Variants in TRPM3 observed in about 807,000 individuals in gnomAD.
TRPM3 encodes long transient receptor potential channel 3.
A neutral mutation model predicts 181.2 loss-of-function variants in TRPM3; 77 were observed. The ratio of observed to expected loss-of-function variants is 0.42; its 90% CI spans 0.35 to 0.51. The LOEUF (loss-of-function observed/expected upper bound fraction) is 0.51, where lower values mean the gene tolerates loss of function less well. TRPM3 is among the 20% of genes least tolerant of loss of function. TRPM3 has a pLI of 0.01. For synonymous variants in TRPM3, 745 were observed against 796.4 expected (o/e 0.94, Z 1.09); for missense variants, 1,759 against 2,196.7 (o/e 0.80, Z 3.98).
chr9:70,666,298 G>C (rs556253643), intron 9 of TRPM3, among the ~76,000 whole-genome samples: 19 of 152,156 alleles, frequency 1.2e-4, no homozygotes, highest in African/African-American at 1.2e-4. Flanking sequence ...CCTTCTTCAC[G>C]ATCCAGGGAA....
At chr9:70,776,451 T>G (rs2081375991) in intron 7 of TRPM3, 1 of 713,916 alleles carries the variant, frequency 1.4e-6, no homozygotes, top group Non-Finnish European at 2.6e-6. Context: ...CCTCTTCCTT[T>G]TTTCTTTCTC....
At chr9:70,853,006 A>G (rs953184555) in intron 3 of TRPM3, among the ~76,000 whole-genome samples, 1 of 152,088 alleles carries the variant, frequency 6.6e-6, no homozygotes, top group Non-Finnish European at 1.5e-5. Context: ...TTATCTCCCT[A>G]TGTTGCAAGA....
chr9:70,694,549 C>T (rs536519099), intron 8 of TRPM3, among the ~76,000 whole-genome samples: 7 of 152,154 alleles, frequency 4.6e-5, no homozygotes, highest in African/African-American at 9.6e-5. Flanking sequence ...GGCGCGATCT[C>T]GGCTCACTGC....
At chr9:71,216,319 A>C (rs978196599) in intron 1 of TRPM3, among the ~76,000 whole-genome samples, 2 of 152,238 alleles carry the variant, frequency 1.3e-5, no homozygotes, top group Non-Finnish European at 2.9e-5. Flanking sequence ...AAAATGCATT[A>C]AAAGATCTTT....
chr9:71,411,391 C>T (rs910994855), intron 1 of TRPM3, among the ~76,000 whole-genome samples: 1 of 152,204 alleles, frequency 6.6e-6, no homozygotes, highest in Non-Finnish European at 1.5e-5. Flanking sequence ...AGCTGATAAG[C>T]AACTTCAGCA....
intron 1 of TRPM3, among the ~76,000 whole-genome samples, chr9:71,348,553 T>C (rs1424521144): frequency 1.2e-5 from 1 of 80,854 alleles, no homozygotes; most frequent in Non-Finnish European, 2.8e-5. Flanking sequence ...TTTATTTATA[T>C]ATTTATTTAT....
chr9:71,344,393 G>A (rs1374905463), intron 1 of TRPM3, among the ~76,000 whole-genome samples: 1 of 151,974 alleles, frequency 6.6e-6, no homozygotes, highest in East Asian at 1.9e-4. Flanking sequence ...GGAGGTTGCA[G>A]TGAGCCAAGA....
At chr9:71,352,239 C>A (rs551235910) in intron 1 of TRPM3, among the ~76,000 whole-genome samples, 1 of 152,054 alleles carries the variant, frequency 6.6e-6, no homozygotes, top group African/African-American at 2.4e-5. Flanking sequence ...ATTTGTTTTA[C>A]ATTTTTATGT....
intron 1 of TRPM3, among the ~76,000 whole-genome samples, chr9:71,179,676 G>C (rs10868968): frequency 6.6e-6 from 1 of 151,974 alleles, no homozygotes; most frequent in South Asian, 2.1e-4. Flanking sequence ...CGCTAACTTA[G>C]CCAGAGACTT....
At chr9:71,160,321 A>G (rs990749406) in intron 1 of TRPM3, among the ~76,000 whole-genome samples, 1 of 152,140 alleles carries the variant, frequency 6.6e-6, no homozygotes, top group Non-Finnish European at 1.5e-5. Flanking sequence ...TCTTTAAAAA[A>G]ATTTCATAGC....
intron 1 of TRPM3, among the ~76,000 whole-genome samples, chr9:71,136,383 C>T (rs2074767844): frequency 6.6e-6 from 1 of 152,194 alleles, no homozygotes; most frequent in African/African-American, 2.4e-5. Flanking sequence ...TGACATCAAA[C>T]ATGGACACTC....
chr9:70,863,712 A>G lies in TRPM3; in HGVS notation c.258-600T>C, dbSNP rs1010869449. 5.3e-5 allele frequency among the ~76,000 whole-genome samples: 8 copies of G among 152,280 alleles called. No homozygotes were observed. In the South Asian group the frequency reaches 1.2e-3, roughly 24 times the overall value. On this transcript the variant is annotated intron_variant, in intron 2 of 25. Coordinates refer to ENST00000677713, the MANE Select transcript of TRPM3 (RefSeq NM_001366145.2). ...TCTATCATGAAAATGTCCTTCATAC[A>G]TTACTATTACTACCTTTATGACTAT...
At chr9:71,148,393 ATG>A (rs1285785113) in intron 1 of TRPM3, among the ~76,000 whole-genome samples, 1 of 152,146 alleles carries the variant, frequency 6.6e-6, no homozygotes, top group Non-Finnish European at 1.5e-5. Context: ...TATCATTACT[ATG>A]TGATTTGCTA....
chr9:70,552,955 C>G lies in TRPM3; in HGVS notation c.3463G>C (p.Val1155Leu), dbSNP rs756061039. Residue 1155 changes from valine to leucine, a missense_variant, in exon 24 of 26, where the codon GTT becomes CTT. Transcript: ENST00000677713. The part of the protein sequence containing the change: ...QLIMTFHERP[V>L]LPPPLIIFSH... Reference sequence around the variant, plus strand: ...AAGATGATCAGTGGTGGGGGCAGAACTGGCCTTTCATGGAAAGTCATGATG... The same window carrying G: ...AAGATGATCAGTGGTGGGGGCAGAAGTGGCCTTTCATGGAAAGTCATGATG... 1 of 1,614,174 alleles carries G rather than the reference C, an allele frequency of 6.2e-7. No individual in the cohort carries two copies. Among genetic ancestry groups the G allele is most frequent in the Non-Finnish European group, 8.5e-7 (1 of 1,180,012 alleles).
rs921150505 is a variant in TRPM3 at position 70,532,352 on chromosome 9, G to T, written c.*3601C>A. 1 of 151,990 alleles carries T rather than the reference G, an allele frequency of 6.6e-6. No homozygotes were observed. Among genetic ancestry groups the T allele is most frequent in the Admixed American group, 6.5e-5 (1 of 15,268 alleles). The allele number at this position is 151,990 out of a possible 1,614,324, so 9.4% of individuals were successfully genotyped here. A position where few individuals can be genotyped will look rare whatever the true frequency, so the allele number is the denominator to read the frequency against. On this transcript the variant is annotated 3_prime_UTR_variant, in exon 26 of 26. Coordinates refer to ENST00000677713, the MANE Select transcript of TRPM3 (RefSeq NM_001366145.2). The stretch of plus-strand genomic sequence containing the variant: ...GTGTTTTTATGAGTACATTTTTCTC[G>T]TTTGATTATTCTTATATATATATTT...
At chr9:71,410,060 T>C (rs1437075714) in intron 1 of TRPM3, among the ~76,000 whole-genome samples, 1 of 152,044 alleles carries the variant, frequency 6.6e-6, no homozygotes, top group Non-Finnish European at 1.5e-5. Flanking sequence ...CTCAAACCAA[T>C]GAGAACAAAG....
intron 22 of TRPM3, among the ~76,000 whole-genome samples, chr9:70,564,185 T>C (rs915262613): frequency 1.3e-5 from 2 of 152,208 alleles, no homozygotes; most frequent in African/African-American, 4.8e-5. Flanking sequence ...CACCTTCCTT[T>C]TGATATTTGC....
intron 1 of TRPM3, among the ~76,000 whole-genome samples, chr9:71,441,855 T>G (rs924072244): frequency 1.3e-5 from 2 of 152,088 alleles, no homozygotes; most frequent in African/African-American, 4.8e-5. Context: ...ATGGCTGCTA[T>G]CTCCTGACCT....
chr9:70,645,742 CAAA>C (rs141101888), intron 9 of TRPM3, among the ~76,000 whole-genome samples: 13 of 148,588 alleles, frequency 8.7e-5, no homozygotes, highest in South Asian at 8.5e-4. Context: ...TTCTTCACAG[CAAA>C]AAAAAAAAAT....
Sources: gnomAD v4.1 joint callset for allele counts (sites outside exome capture counted in the v4.1 genomes callset) on GRCh38, gnomAD v4.1.1 for gene constraint, MANE v1.5 for transcripts, NCBI Gene and HGNC (gene_info 2026-07-23, HGNC 2026-07-21) for gene names.